Variants in RANBP10 observed in about 807,000 individuals in gnomAD.
RANBP10 encodes the protein RAN binding protein 10, also known as ran-binding protein 10.
RANBP10 carries 24 observed loss-of-function variants against 72.8 expected under a neutral mutation model. The observed-to-expected ratio is 0.33, with a 90% CI of 0.24 to 0.46. The LOEUF (loss-of-function observed/expected upper bound fraction) is 0.46, where lower values mean the gene tolerates loss of function less well. Ranked by LOEUF, RANBP10 falls within the 20% of genes least tolerant of loss-of-function variation. RANBP10 has a pLI of 1.00. For missense variants in RANBP10, 679 were observed against 817.5 expected (o/e 0.83, Z 2.07); for synonymous variants, 310 against 322.3 (o/e 0.96, Z 0.41).
rs900149914 is a variant in RANBP10 at position 67,729,064 on chromosome 16, C to G, written c.1352+216G>C. On this transcript the variant is annotated intron_variant, in intron 10 of 13. Transcript: ENST00000317506. This position sits in a 1 kb window ranked among gnomAD's most constrained non-coding sequence, Gnocchi z 7.1. Reference sequence around the variant, plus strand: ...CCTCAGCCTGGCATCATTGGAGCCTCTGGAGAAAGCCAAGGCCAAAGAAAG... The same window carrying G: ...CCTCAGCCTGGCATCATTGGAGCCTGTGGAGAAAGCCAAGGCCAAAGAAAG... Among the ~76,000 whole-genome samples the G allele has an allele frequency of 6.6e-6, 1 of 152,268 alleles. No individual in the cohort carries two copies. Among genetic ancestry groups the G allele is most frequent in the Non-Finnish European group, 1.5e-5 (1 of 68,054 alleles).
Position 67,729,519 on chromosome 16 carries a change from C to A in RANBP10, c.1148-35G>T. The A allele has an allele frequency of 6.3e-7, 1 of 1,592,194 alleles. No homozygotes were observed. Among genetic ancestry groups the A allele is most frequent in the Non-Finnish European group, 8.6e-7 (1 of 1,169,142 alleles). ...AGGGTGACAGTCAGAAGAGGAGGGG[C>A]AGCTTCCCATGAAATGAAGCCCCAA... On this transcript the variant is annotated intron_variant, in intron 9 of 13. Transcript: ENST00000317506. The surrounding 1 kb of genome is among the most constrained non-coding windows in gnomAD (Gnocchi z 7.1).
intron 1 of RANBP10, among the ~76,000 whole-genome samples, chr16:67,805,772 G>A (rs1597942442): frequency 6.6e-6 from 1 of 152,212 alleles, no homozygotes; most frequent in African/African-American, 2.4e-5. Flanking sequence ...AACAAAACAA[G>A]GGTAGAGGCA....
At chr16:67,741,587 T>C (rs753946211) in intron 4 of RANBP10, among the ~76,000 whole-genome samples, 20 of 152,240 alleles carry the variant, frequency 1.3e-4, no homozygotes, top group Non-Finnish European at 2.5e-4. Context: ...GAAATGACTG[T>C]GAGCACATGG....
intron 3 of RANBP10, among the ~76,000 whole-genome samples, chr16:67,767,083 C>T (rs1278706698): frequency 6.6e-6 from 1 of 152,180 alleles, no homozygotes; most frequent in African/African-American, 2.4e-5. Flanking sequence ...GATTTTCCTA[C>T]AGCTTTGTAT....
intron 3 of RANBP10, among the ~76,000 whole-genome samples, chr16:67,751,700 G>A (rs1290746948): frequency 6.6e-6 from 1 of 152,114 alleles, no homozygotes; most frequent in Non-Finnish European, 1.5e-5. Context: ...CAGACCACCT[G>A]AGGTCAGGAG....
chr16:67,790,652 A>G (rs1226964488), intron 2 of RANBP10, among the ~76,000 whole-genome samples: 4 of 151,818 alleles, frequency 2.6e-5, no homozygotes, highest in Admixed American at 1.3e-4. Context: ...GCCCACAGCA[A>G]ATGACAAGAG....
At chr16:67,754,775 T>TGAAC (rs2054258083) in intron 3 of RANBP10, among the ~76,000 whole-genome samples, 1 of 152,222 alleles carries the variant, frequency 6.6e-6, no homozygotes, top group South Asian at 2.1e-4. Flanking sequence ...TCTCTGGTTC[T>TGAAC]GGCCACAGCA....
At chr16:67,754,899 G>A (rs2054260439) in intron 3 of RANBP10, among the ~76,000 whole-genome samples, 1 of 152,176 alleles carries the variant, frequency 6.6e-6, no homozygotes, top group Non-Finnish European at 1.5e-5. Flanking sequence ...AAAGGGCCCT[G>A]GATGTCTACT....
In RANBP10 at chr16:67,806,394, T is replaced by C. The variant is rs765996237; in HGVS notation, c.143A>G (p.Gln48Arg). The C allele has an allele frequency of 2.5e-6, 4 of 1,610,904 alleles. No homozygotes were observed. The highest frequency in any genetic ancestry group is 3.4e-6 in the Non-Finnish European group (4 of 1,178,728). The change falls in exon 1 of 14, where the codon CAG becomes CGG. Residue 48 changes from glutamine to arginine, a missense_variant. Transcript: ENST00000317506. ...RLQRLYPAVN[Q>R]QETPLPRSWS... The stretch of plus-strand genomic sequence containing the variant: ...GGAGCGCGGCAGCGGAGTCTCTTGC[T>C]GGTTGACCGCGGGATACAGGCGCTG...
At chr16:67,763,613 G>C (rs536839061) in intron 3 of RANBP10, 3 of 152,354 alleles carry the variant, frequency 2.0e-5, no homozygotes, top group Admixed American at 2.0e-4. Flanking sequence ...TCATTCATAG[G>C]CCTCACAAGT....
At chr16:67,787,362 A>G (rs1462156371) in intron 2 of RANBP10, among the ~76,000 whole-genome samples, 1 of 152,146 alleles carries the variant, frequency 6.6e-6, no homozygotes, top group Non-Finnish European at 1.5e-5. Context: ...AAAATAAAAA[A>G]ATGAAGAAAG....
intron 3 of RANBP10, among the ~76,000 whole-genome samples, chr16:67,752,760 C>T (rs1016823494): frequency 8.5e-5 from 13 of 152,132 alleles, no homozygotes. Context: ...TTAAGGCCAC[C>T]GTGTTGCCTT....
chr16:67,736,258 T>C (rs2053845799), intron 5 of RANBP10, among the ~76,000 whole-genome samples: 1 of 151,938 alleles, frequency 6.6e-6, no homozygotes, highest in Non-Finnish European at 1.5e-5. Flanking sequence ...ACCTCCTGGG[T>C]TCAAGCAATT....
intron 3 of RANBP10, among the ~76,000 whole-genome samples, chr16:67,768,577 A>G (rs2054547168): frequency 6.6e-6 from 1 of 152,132 alleles, no homozygotes; most frequent in African/African-American, 2.4e-5. Flanking sequence ...CTAGCTGAGC[A>G]TGGTGGCATG....
At position 67,748,765 on chromosome 16, in the gene RANBP10, G is replaced by C. The variant is rs73591956; in HGVS notation, c.401-4310C>G. Among the ~76,000 whole-genome samples, 330 of 152,146 alleles carry C rather than the reference G, an allele frequency of 2.2e-3. 4 individuals are homozygous for C. Among genetic ancestry groups the C allele is most frequent in the African/African-American group, 7.9e-3 (328 of 41,532 alleles). On this transcript the variant is annotated intron_variant, in intron 3 of 13. Transcript: ENST00000317506. ...GAGTGGTGGAGCTGCAGAAGGGTTC[G>C]ACTGCCTGGCTAAGGAGTAGAAATG...
chr16:67,768,470 G>A (rs1197349612), intron 3 of RANBP10, among the ~76,000 whole-genome samples: 4 of 152,148 alleles, frequency 2.6e-5, no homozygotes, highest in East Asian at 1.9e-4. Flanking sequence ...GCGGTGAGCC[G>A]AGATCGTGCC....
chr16:67,731,703 A>AC, intron 6 of RANBP10, 119 bp from the exon 7 acceptor site: 3 of 665,020 alleles, frequency 4.5e-6, no homozygotes, highest in Non-Finnish European at 7.7e-6. Flanking sequence ...CTGGAGGTGT[A>AC]ACCTCCACAG....
chr16:67,747,021 G>A (rs2054094210), intron 3 of RANBP10, among the ~76,000 whole-genome samples: 1 of 152,176 alleles, frequency 6.6e-6, no homozygotes, highest in Non-Finnish European at 1.5e-5. Flanking sequence ...ACAGACATAT[G>A]TTTTCATTTC....
chr16:67,737,156 T>C (rs1432650613), intron 5 of RANBP10, among the ~76,000 whole-genome samples: 9 of 150,900 alleles, frequency 6.0e-5, no homozygotes, highest in African/African-American at 1.7e-4. Flanking sequence ...TTTTTTTTTT[T>C]TTTTGAACTA....
Sources: gnomAD v4.1 joint callset for allele counts (sites outside exome capture counted in the v4.1 genomes callset) on GRCh38, gnomAD v4.1.1 for gene constraint, Gnocchi (gnomAD v3.1) non-coding constraint, MANE v1.5 for transcripts, NCBI Gene and HGNC (gene_info 2026-07-23, HGNC 2026-07-21) for gene names.